Variants in STK4 observed in about 807,000 individuals in gnomAD.
The protein encoded by STK4 is serine/threonine kinase 4.
Under a neutral mutation model 64.9 loss-of-function variants are expected in STK4, and 30 were observed. The observed-to-expected ratio is 0.46, with a 90% CI of 0.35 to 0.63. STK4 has a LOEUF of 0.63. STK4 is among the 20% of genes least tolerant of loss of function. The probability of loss-of-function intolerance (pLI) is 0.01; values close to 1 mark genes in which losing one functional copy is unlikely to be tolerated. For missense variants in STK4, 466 were observed against 598.5 expected (o/e 0.78, Z 2.31); for synonymous variants, 177 against 199.0 (o/e 0.89, Z 0.93).
intron 10 of STK4, among the ~76,000 whole-genome samples, chr20:45,054,196 C>T (rs1481467597): frequency 2.0e-5 from 3 of 152,150 alleles, no homozygotes; most frequent in African/African-American, 7.2e-5. Context: ...TTCATTCTCT[C>T]TCTGTTTAGC....
chr20:45,070,397 C>CA (rs1227382328), intron 10 of STK4, among the ~76,000 whole-genome samples: 1 of 151,976 alleles, frequency 6.6e-6, no homozygotes, highest in African/African-American at 2.4e-5. Context: ...ATTTCAGGGA[C>CA]AAAATTGATA....
intron 10 of STK4, among the ~76,000 whole-genome samples, chr20:45,050,313 G>C (rs936401534): frequency 4.5e-4 from 68 of 152,124 alleles, no homozygotes; most frequent in Non-Finnish European, 4.7e-4. Context: ...TTTATGAGCA[G>C]ACTGTTGAGT....
In STK4 at chr20:44,972,258, G is replaced by A. The variant is rs192892253; in HGVS notation, c.116+100G>A. 4.3e-4 allele frequency: 447 copies of A among 1,027,912 alleles called. No individual in the cohort carries two copies. In the African/African-American group the frequency reaches 6.9e-3, roughly 16 times the overall value. 63.7% of individuals were successfully genotyped at this position (1,027,912 alleles called of 1,614,324 possible). ...GAACCTTTCAGCATTGTTCTAGGTG[G>A]GGTGGAAGGTAAATTTACAGCTTGT... On this transcript the variant is annotated intron_variant, in intron 2 of 10. Transcript: ENST00000372806.
chr20:44,992,503 A>G (rs1361797671), intron 5 of STK4, among the ~76,000 whole-genome samples: 1 of 150,412 alleles, frequency 6.6e-6, no homozygotes, highest in African/African-American at 2.4e-5. Flanking sequence ...CTGCCTCCCA[A>G]AGTATTGGGA....
At chr20:45,040,714 C>T (rs373188093) in intron 10 of STK4, among the ~76,000 whole-genome samples, 2 of 151,494 alleles carry the variant, frequency 1.3e-5, no homozygotes, top group African/African-American at 4.9e-5. Flanking sequence ...AAGTTGTGCT[C>T]ATTGCAGTTA....
chr20:45,006,989 C>T (rs945312636), intron 9 of STK4, among the ~76,000 whole-genome samples: 4 of 152,138 alleles, frequency 2.6e-5, no homozygotes, highest in African/African-American at 4.8e-5. Flanking sequence ...GTTTCTTTCC[C>T]GCTTTTGGCA....
chr20:45,057,685 T>C (rs536005630), intron 10 of STK4, among the ~76,000 whole-genome samples: 1 of 152,312 alleles, frequency 6.6e-6, no homozygotes, highest in South Asian at 2.1e-4. Flanking sequence ...AGGAAGCACA[T>C]TTTAAAGAAC....
At chr20:44,982,874 A>ACAATAGTTACT (rs1363619622) in intron 4 of STK4, among the ~76,000 whole-genome samples, 1,953 of 152,348 alleles carry the variant, frequency 0.013, 40 homozygotes, top group African/African-American at 0.044. Flanking sequence ...TATTAATAGA[A>ACAATAGTTACT]AAGATATAAT....
At chr20:45,048,380 A>G (rs1421918968) in intron 10 of STK4, among the ~76,000 whole-genome samples, 1 of 152,232 alleles carries the variant, frequency 6.6e-6, no homozygotes, top group African/African-American at 2.4e-5. Context: ...GGTGGGAGAC[A>G]TGGATGAACT....
At chr20:45,064,805 T>C (rs1979423895) in intron 10 of STK4, among the ~76,000 whole-genome samples, 1 of 152,258 alleles carries the variant, frequency 6.6e-6, no homozygotes, top group Non-Finnish European at 1.5e-5. Flanking sequence ...TGATTTTATA[T>C]ACTGAAACTT....
chr20:44,982,581 T>C (rs750576439), intron 4 of STK4, among the ~76,000 whole-genome samples: 10 of 152,228 alleles, frequency 6.6e-5, no homozygotes, highest in Admixed American at 3.3e-4. Flanking sequence ...TTTCTGCTTC[T>C]ACCTAGCGTG....
chr20:45,066,519 T>A (rs1979591046), intron 10 of STK4, among the ~76,000 whole-genome samples: 1 of 152,154 alleles, frequency 6.6e-6, no homozygotes, highest in Non-Finnish European at 1.5e-5. Flanking sequence ...GTGTCAGAGG[T>A]CTTGTCATTA....
Position 44,997,915 on chromosome 20 carries a change from G to A in STK4, c.831+609G>A, listed in dbSNP as rs13039559. Among the ~76,000 whole-genome samples, 557 of 152,290 alleles carry A rather than the reference G, an allele frequency of 3.7e-3. 4 individuals carry two copies. The highest frequency in any genetic ancestry group is 5.0e-3 in the Non-Finnish European group (340 of 68,030). ...TTAATCATCACATAGACCCTGTGAA[G>A]GGTGGGTATTATTTCAGTTTTATAG... On this transcript the variant is annotated intron_variant, in intron 7 of 10. Transcript: ENST00000372806.
At position 45,078,662 on chromosome 20, in the gene STK4, T is replaced by C. The variant is rs924964399; in HGVS notation, c.*3486T>C. 6.6e-6 allele frequency: 1 copy of C among 151,342 alleles called. No homozygotes were observed. The highest frequency in any genetic ancestry group is 6.6e-5 in the Admixed American group (1 of 15,134). 9.4% of individuals were successfully genotyped at this position (151,342 alleles called of 1,614,324 possible). A position where few individuals can be genotyped will look rare whatever the true frequency, so the allele number is the denominator to read the frequency against. On this transcript the variant is annotated 3_prime_UTR_variant, in exon 11 of 11. Coordinates refer to ENST00000372806, the MANE Select transcript of STK4 (RefSeq NM_006282.5). ...GGAAGAGGAAGGGTAGGAGGATGCA[T>C]GGATGAGTGGATGAGTGGATCGATG...
At chr20:45,005,565 G>A (rs1007971466) in intron 9 of STK4, among the ~76,000 whole-genome samples, 2 of 149,288 alleles carry the variant, frequency 1.3e-5, no homozygotes, top group East Asian at 2.0e-4. Flanking sequence ...GGAGAGTGGC[G>A]TGAACCTGGG....
At chr20:44,988,533 G>GTGTGTGTGTGTATATATATATATA in intron 5 of STK4, among the ~76,000 whole-genome samples, 1 of 101,586 alleles carries the variant, frequency 9.8e-6, no homozygotes, top group African/African-American at 4.8e-5. Flanking sequence ...ATGTGTGTGT[G>GTGTGTGTGTGTATATATATATATA]TATATATATA....
chr20:45,064,103 C>T (rs753795135), intron 10 of STK4, among the ~76,000 whole-genome samples: 16 of 147,310 alleles, frequency 1.1e-4, no homozygotes, highest in Admixed American at 1.4e-4. Flanking sequence ...CCACTGCGCC[C>T]GGCCAAGGGG....
chr20:44,972,796 G>A (rs2067272042), intron 2 of STK4: 1 of 151,492 alleles, frequency 6.6e-6, no homozygotes, highest in South Asian at 2.1e-4. Context: ...GTAATGACCA[G>A]GAAATTAAAA....
intron 9 of STK4, among the ~76,000 whole-genome samples, chr20:45,008,448 T>C (rs954424673): frequency 2.6e-5 from 4 of 152,226 alleles, no homozygotes; most frequent in African/African-American, 9.6e-5. Flanking sequence ...AGTCCACTAT[T>C]GATGGGCACC....
Sources: gnomAD v4.1 joint callset for allele counts (sites outside exome capture counted in the v4.1 genomes callset) on GRCh38, gnomAD v4.1.1 for gene constraint, MANE v1.5 for transcripts, NCBI Gene and HGNC (gene_info 2026-07-23, HGNC 2026-07-21) for gene names.